VRK2: variants seen among roughly 807,000 people sequenced by gnomAD.
The protein encoded by VRK2 is serine/threonine-protein kinase VRK2.
VRK2 carries 60 observed loss-of-function variants against 57.6 expected under a neutral mutation model. The observed-to-expected ratio is 1.04, with a 90% CI of 0.85 to 1.29. VRK2 has a LOEUF of 1.29. VRK2 is among the 50% of genes most tolerant of loss of function. The probability of loss-of-function intolerance (pLI) is 0.00; values close to 1 mark genes in which losing one functional copy is unlikely to be tolerated. For synonymous variants in VRK2, 231 were observed against 199.2 expected (o/e 1.16, Z -1.35); for missense variants, 705 against 588.1 (o/e 1.20, Z -2.06).
chr2:57,959,982 G>A lies in VRK2; in HGVS notation c.-439+52143G>A, dbSNP rs1017153867. Among the ~76,000 whole-genome samples the A allele has an allele frequency of 2.0e-4, 30 of 148,318 alleles. 1 individual carries two copies. The highest frequency in any genetic ancestry group is 2.0e-3 in the Admixed American group (29 of 14,784). The stretch of plus-strand genomic sequence containing the variant: ...GCATTGATCATCCGAGCCCTGGGGT[G>A]AGAAATTGGGATGTGTGTGCATGGG... On this transcript the variant is annotated intron_variant, in intron 1 of 15. Transcript: ENST00000417641.
intron 3 of VRK2, among the ~76,000 whole-genome samples, chr2:58,037,029 G>A (rs1466996672): frequency 1.3e-5 from 2 of 151,848 alleles, no homozygotes; most frequent in East Asian, 3.9e-4. Context: ...GTCTTGTCCT[G>A]GACTCAAGCC....
chr2:58,052,003 T>C (rs1377436992), intron 2 of VRK2, among the ~76,000 whole-genome samples: 1 of 152,144 alleles, frequency 6.6e-6, no homozygotes. Flanking sequence ...GTTTTTTAAA[T>C]ATCAGGAAGG....
intron 1 of VRK2, among the ~76,000 whole-genome samples, chr2:57,913,987 C>A (rs1364550531): frequency 6.6e-6 from 1 of 151,960 alleles, no homozygotes; most frequent in Non-Finnish European, 1.5e-5. Flanking sequence ...ATTTACTTGT[C>A]TAATTCTTAA....
intron 2 of VRK2, among the ~76,000 whole-genome samples, chr2:58,063,247 T>G (rs990438092): frequency 1.1e-4 from 17 of 151,782 alleles, no homozygotes; most frequent in East Asian, 3.9e-4. Context: ...TTTTGTTTTT[T>G]TTTTTTTTTT....
chr2:57,972,886 A>G (rs1672138859), intron 1 of VRK2, among the ~76,000 whole-genome samples: 1 of 151,888 alleles, frequency 6.6e-6, no homozygotes. Flanking sequence ...TTACAGCTAC[A>G]TATTTCCATT....
At chr2:57,940,306 G>A (rs1182146719) in intron 1 of VRK2, among the ~76,000 whole-genome samples, 2 of 152,032 alleles carry the variant, frequency 1.3e-5, no homozygotes, top group Admixed American at 6.6e-5. Context: ...ACTCATGTCC[G>A]AGCTCAAGCA....
intron 7 of VRK2, among the ~76,000 whole-genome samples, chr2:58,102,645 A>G (rs949783299): frequency 2.6e-5 from 4 of 151,788 alleles, no homozygotes; most frequent in African/African-American, 9.6e-5. Context: ...ATAGCAATAC[A>G]ATAATAATGG....
At chr2:58,005,109 TAA>T (rs1411485654) in intron 1 of VRK2, among the ~76,000 whole-genome samples, 1 of 152,184 alleles carries the variant, frequency 6.6e-6, no homozygotes, top group Non-Finnish European at 1.5e-5. Flanking sequence ...TAGAAAATAT[TAA>T]GTTTTGTCCA....
intron 12 of VRK2, among the ~76,000 whole-genome samples, chr2:58,155,934 T>TTTC (rs1683765272): frequency 6.7e-6 from 1 of 148,736 alleles, no homozygotes; most frequent in African/African-American, 2.4e-5. Flanking sequence ...TTTTTTTTTT[T>TTTC]CCAGTCTGTG....
intron 3 of VRK2, chr2:58,041,055 T>C (rs1047745282): frequency 3.0e-6 from 3 of 985,326 alleles, no homozygotes; most frequent in African/African-American, 1.7e-5. Flanking sequence ...TTTTGGTTAC[T>C]GCAGGGATGT....
intron 1 of VRK2, among the ~76,000 whole-genome samples, chr2:58,021,936 C>A (rs1267179782): frequency 6.6e-6 from 1 of 152,184 alleles, no homozygotes; most frequent in Non-Finnish European, 1.5e-5. Flanking sequence ...ACTTCATACC[C>A]TGTTTAGGTT....
intron 1 of VRK2, among the ~76,000 whole-genome samples, chr2:57,961,848 A>T (rs1048459390): frequency 6.6e-6 from 1 of 152,158 alleles, no homozygotes; most frequent in Non-Finnish European, 1.5e-5. Context: ...AGGCTGAGAC[A>T]GGAGGACTGC....
rs1272775150 is a variant in VRK2, at chr2:58,111,266, A to G, written c.544-11835A>G. Among the ~76,000 whole-genome samples, 4 of 152,104 alleles carry G rather than the reference A, an allele frequency of 2.6e-5. No individual in the cohort carries two copies. The East Asian group carries it at 5.8e-4, about 22-fold the overall frequency. Reference sequence around the variant, plus strand: ...GTTGATAATGACATCCATCTTCCCTATCTACCTCACAAAGTTATAAAAAAA... The same window carrying G: ...GTTGATAATGACATCCATCTTCCCTGTCTACCTCACAAAGTTATAAAAAAA... On this transcript the variant is annotated intron_variant, in intron 7 of 12. Coordinates refer to ENST00000340157, the MANE Select transcript of VRK2 (RefSeq NM_006296.7).
At chr2:57,924,833 T>A (rs1294752545) in intron 1 of VRK2, among the ~76,000 whole-genome samples, 1 of 152,026 alleles carries the variant, frequency 6.6e-6, no homozygotes, top group Non-Finnish European at 1.5e-5. Flanking sequence ...TGATACTAAC[T>A]GTGGGTCTGT....
chr2:58,015,862 G>A (rs1010599734), intron 1 of VRK2, among the ~76,000 whole-genome samples: 2 of 152,012 alleles, frequency 1.3e-5, no homozygotes, highest in African/African-American at 4.8e-5. Flanking sequence ...TACATATGAA[G>A]TTCTTGATCT....
intron 7 of VRK2, among the ~76,000 whole-genome samples, chr2:58,091,118 A>G (rs1672314961): frequency 6.6e-6 from 1 of 152,204 alleles, no homozygotes; most frequent in Non-Finnish European, 1.5e-5. Context: ...ACTATTCTGC[A>G]TGATACCATA....
At chr2:58,047,907 T>C (rs1675103886) in intron 1 of VRK2, among the ~76,000 whole-genome samples, 2 of 152,256 alleles carry the variant, frequency 1.3e-5, no homozygotes. Flanking sequence ...AAGAAAACTT[T>C]ACATTTACGT....
intron 8 of VRK2, among the ~76,000 whole-genome samples, chr2:58,125,181 T>C (rs1678140540): frequency 6.6e-6 from 1 of 152,134 alleles, no homozygotes. Flanking sequence ...AGCTCTAAAC[T>C]GCTCTGATCT....
chr2:57,913,914 G>A (rs1286010330), intron 1 of VRK2, among the ~76,000 whole-genome samples: 1 of 151,972 alleles, frequency 6.6e-6, no homozygotes, highest in African/African-American at 2.4e-5. Context: ...AATAAGTCAT[G>A]TTAAAATGTA....
Sources: allele counts gnomAD v4.1 joint callset (sites outside exome capture counted in the v4.1 genomes callset), GRCh38; gene constraint gnomAD v4.1.1; transcripts MANE v1.5; gene names NCBI Gene and HGNC (gene_info 2026-07-23, HGNC 2026-07-21).